FAM83H: variants seen among roughly 807,000 people sequenced by gnomAD.
FAM83H encodes scaffolding CK1 anchoring protein H.
Under a neutral mutation model 30.2 loss-of-function variants are expected in FAM83H, and 24 were observed. The ratio of observed to expected loss-of-function variants is 0.79; its 90% CI spans 0.57 to 1.12. The LOEUF (loss-of-function observed/expected upper bound fraction) is 1.12, where lower values mean the gene tolerates loss of function less well. Ranked by LOEUF, FAM83H falls within the 50% of genes most tolerant of loss-of-function variation. The pLI is 0.00. For synonymous variants in FAM83H, 1,013 were observed against 821.7 expected (o/e 1.23, Z -3.98); for missense variants, 2,038 against 1,773.9 (o/e 1.15, Z -2.67).
intron 2 of FAM83H, among the ~76,000 whole-genome samples, chr8:143,729,776 C>T (rs1818446295): frequency 6.6e-6 from 1 of 152,244 alleles, no homozygotes; most frequent in Non-Finnish European, 1.5e-5. Context: ...GGTTTAACAG[C>T]ACCTTCCGCC....
rs1463084077 is a variant in FAM83H at position 143,723,937 on chromosome 8, TTG to T, written c.*1982_*1983del. On this transcript the variant is annotated 3_prime_UTR_variant, in exon 5 of 5. Coordinates refer to ENST00000388913, the MANE Select transcript of FAM83H (RefSeq NM_198488.5). Reference sequence around the variant, plus strand: ...ACACTGGGGAACATGCTAGAATACTTTGTGTGTTGTGTTTTATTAACACCAAA... The same window carrying T: ...ACACTGGGGAACATGCTAGAATACTTTGTGTTGTGTTTTATTAACACCAAA... 2.6e-5 allele frequency: 4 copies of T among 152,216 alleles called. No individual in the cohort carries two copies. Among genetic ancestry groups the T allele is most frequent in the Non-Finnish European group, 5.9e-5 (4 of 68,050 alleles). The allele number at this position is 152,216 out of a possible 1,614,324, so 9.4% of individuals were successfully genotyped here.
rs1027789176 is a variant in FAM83H, at chr8:143,727,192, C to T, written c.2269G>A (p.Val757Ile). ...ACGACGGCCTTGCTGTGGCTGGCAA[C>T]GGTGATGGCGCCCGCGCCGCCGCCG... ...DPGGGAGAIT[V>I]ASHSKAVVSQ... Residue 757 changes from valine to isoleucine, a missense_variant, in exon 5 of 5, where the codon GTT becomes ATT. Physicochemically the swap from Val to Ile is conservative, Grantham distance 29. Transcript: ENST00000388913. 3.9e-6 allele frequency: 6 copies of T among 1,533,218 alleles called. No individual in the cohort carries two copies. The African/African-American group carries it at 6.9e-5, about 18-fold the overall frequency. 95.0% of individuals were successfully genotyped at this position (1,533,218 alleles called of 1,614,324 possible).
rs1414606943 is a variant in FAM83H at position 143,728,183 on chromosome 8, C to T, written c.1278G>A (p.Ala426=). The change falls in exon 5 of 5, where the codon GCG becomes GCA. Residue 426 remains alanine (A), a synonymous_variant. Coordinates refer to ENST00000388913, the MANE Select transcript of FAM83H (RefSeq NM_198488.5). The part of the protein sequence containing the change: ...GAGAVENFAA[A]RQVSRQTFLS... ...GGAACGTCTGCCGCGACACCTGCCGCGCGGCCGCGAAGTTCTCCACGGCGC... is the reference window on the plus strand; with the variant it reads ...GGAACGTCTGCCGCGACACCTGCCGTGCGGCCGCGAAGTTCTCCACGGCGC... The T allele has an allele frequency of 5.6e-6, 9 of 1,605,846 alleles. No individual in the cohort carries two copies. The highest frequency in any genetic ancestry group is 5.4e-5 in the African/African-American group (4 of 74,740).
chr8:143,732,606 T>C (rs967897596), intron 1 of FAM83H: 3 of 985,364 alleles, frequency 3.0e-6, no homozygotes, highest in Middle Eastern at 5.2e-4. Flanking sequence ...GAAGCCCCCG[T>C]GGCCAGGAGC....
At position 143,727,751 on chromosome 8, in the gene FAM83H, GC is replaced by G; in HGVS notation, c.1709del (p.Gly570AlafsTer18). The G allele has an allele frequency of 6.7e-7, 1 of 1,496,132 alleles. No individual in the cohort carries two copies. The highest frequency in any genetic ancestry group is 8.8e-7 in the Non-Finnish European group (1 of 1,130,562). The allele number at this position is 1,496,132 out of a possible 1,614,324, so 92.7% of individuals were successfully genotyped here. A position where few individuals can be genotyped will look rare whatever the true frequency, so the allele number is the denominator to read the frequency against. On this transcript the variant is annotated frameshift_variant, in exon 5 of 5. Transcript: ENST00000388913. LOFTEE classifies it low-confidence loss of function (END_TRUNC). ...GCAGCCCTGCCCGCCCCTCGGGCCCGCCCCTGCGCTCCGGCTCCGCCTCGGG... is the reference window on the plus strand; with the variant it reads ...GCAGCCCTGCCCGCCCCTCGGGCCCGCCCTGCGCTCCGGCTCCGCCTCGGG... ...PAPEAEPERR[G>X]GPEGRAGLRR...
chr8:143,725,820 C>T lies in FAM83H; in HGVS notation c.*101G>A, dbSNP rs1563756270. ...CCCCAAGCGGCCGTGGCCTGACAGCCGCTGCTCAAGCAGATGAGCAGGGCT... is the reference window on the plus strand; with the variant it reads ...CCCCAAGCGGCCGTGGCCTGACAGCTGCTGCTCAAGCAGATGAGCAGGGCT... On this transcript the variant is annotated 3_prime_UTR_variant, in exon 5 of 5. Transcript: ENST00000388913. The T allele has an allele frequency of 3.9e-6, 6 of 1,546,134 alleles. No individual in the cohort carries two copies. Among genetic ancestry groups the T allele is most frequent in the East Asian group, 2.4e-5 (1 of 41,750 alleles).
In FAM83H at chr8:143,725,495, C is replaced by A; in HGVS notation, c.*426G>T. 4.3e-6 allele frequency: 1 copy of A among 230,694 alleles called. No homozygotes were observed. Among genetic ancestry groups the A allele is most frequent in the Non-Finnish European group, 8.6e-6 (1 of 116,042 alleles). The allele number at this position is 230,694 out of a possible 1,614,324, so 14.3% of individuals were successfully genotyped here. A position where few individuals can be genotyped will look rare whatever the true frequency, so the allele number is the denominator to read the frequency against. ...TCTGTAATCCCAGCTACTCAGGAGG[C>A]TGAGGCAGGAGAATCGCTGGAACCC... On this transcript the variant is annotated 3_prime_UTR_variant, in exon 5 of 5. Transcript: ENST00000388913.
At chr8:143,729,815 A>C (rs1463896455) in intron 2 of FAM83H, among the ~76,000 whole-genome samples, 1 of 152,212 alleles carries the variant, frequency 6.6e-6, no homozygotes, top group Non-Finnish European at 1.5e-5. Context: ...GATGGTTAGA[A>C]GCCCTCAGCT....
At chr8:143,729,893 C>T (rs552035890) in intron 2 of FAM83H, among the ~76,000 whole-genome samples, 1 of 152,306 alleles carries the variant, frequency 6.6e-6, no homozygotes, top group South Asian at 2.1e-4. Context: ...GTGGGGTGCC[C>T]ACCCATCCCC....
rs368541965 is a variant in FAM83H, at chr8:143,730,196, C to T, written c.387G>A (p.Pro129=). ...CCTTGATACTGGGGCTGTCGGGGGG[C>T]GGTGGCTGCACCAAGGTGGTCACCT... The part of the protein sequence containing the change: ...GTEVTTLVQP[P]PPDSPSIKDE... The change falls in exon 2 of 5, where the codon CCG becomes CCA. Residue 129 remains proline, a synonymous_variant. Coordinates refer to ENST00000388913, the MANE Select transcript of FAM83H (RefSeq NM_198488.5). 247 of 1,610,100 alleles carry T rather than the reference C, an allele frequency of 1.5e-4. 3 individuals carry two copies. Among genetic ancestry groups the T allele is most frequent in the South Asian group, 1.0e-3 (91 of 90,902 alleles).
At position 143,733,454 on chromosome 8, in the gene FAM83H, G is replaced by A. The variant is rs1014993365; in HGVS notation, c.-16+237C>T. On this transcript the variant is annotated intron_variant, in intron 1 of 4. Coordinates refer to ENST00000388913, the MANE Select transcript of FAM83H (RefSeq NM_198488.5). This position sits in a 1 kb window ranked among gnomAD's most constrained non-coding sequence, Gnocchi z 5.6. ...GCCCCTTCCCCCTCGGCTCTTTTCGGGCCGGCGTCGTGCGGGGGCGCTCGC... is the reference window on the plus strand; with the variant it reads ...GCCCCTTCCCCCTCGGCTCTTTTCGAGCCGGCGTCGTGCGGGGGCGCTCGC... Among the ~76,000 whole-genome samples, 6 of 152,132 alleles carry A rather than the reference G, an allele frequency of 3.9e-5. No homozygotes were observed. The highest frequency in any genetic ancestry group is 7.4e-5 in the Non-Finnish European group (5 of 68,002).
chr8:143,725,051 C>G lies in FAM83H; in HGVS notation c.*870G>C, dbSNP rs1017487706. On this transcript the variant is annotated 3_prime_UTR_variant, in exon 5 of 5. Transcript: ENST00000388913. ...GCAAACTGCCCGCAGCCAGCCCAGT[C>G]TTCCCCACAGCAAGAGACGGGCCTC... 5 of 105,464 alleles carry G rather than the reference C, an allele frequency of 4.7e-5. No homozygotes were observed. Among genetic ancestry groups the G allele is most frequent in the African/African-American group, 1.9e-4 (5 of 26,318 alleles). The allele number at this position is 105,464 out of a possible 1,614,324, so 6.5% of individuals were successfully genotyped here.
Position 143,727,239 on chromosome 8 carries a change from T to C in FAM83H, c.2222A>G (p.Tyr741Cys), listed in dbSNP as rs923757025. The C allele has an allele frequency of 5.9e-6, 9 of 1,534,786 alleles. No individual in the cohort carries two copies. The African/African-American group carries it at 9.6e-5, about 16-fold the overall frequency. Residue 741 changes from tyrosine (Y) to cysteine (C), a missense_variant, in exon 5 of 5, where the codon TAC (tyrosine) becomes TGC (cysteine). Physicochemically the swap from Tyr to Cys is radical, Grantham distance 194. Coordinates refer to ENST00000388913, the MANE Select transcript of FAM83H (RefSeq NM_198488.5). ...GCCGGGATCACGGGCTGGGCCCTTG[T>C]ACTTCTCCAGCAGCTCCGCCACCTT... ...STKVAELLEK[Y>C]KGPARDPGGG...
At chr8:143,731,242 C>CT (rs1401091316) in intron 1 of FAM83H, 2 of 648,682 alleles carry the variant, frequency 3.1e-6, no homozygotes, top group Non-Finnish European at 3.8e-6. Flanking sequence ...ACTGTGCCTA[C>CT]TGGACAAGCT....
chr8:143,729,065 G>T lies in FAM83H; in HGVS notation c.639C>A (p.Gly213=). The T allele has an allele frequency of 6.2e-7, 1 of 1,613,360 alleles. No individual in the cohort carries two copies. The highest frequency in any genetic ancestry group is 8.5e-7 in the Non-Finnish European group (1 of 1,180,002). ...TCCCAGTGCGGCAGTAGTAGGTGGGGCCCGCCACAGTCCGTACGCGCAGGA... is the reference window on the plus strand; with the variant it reads ...TCCCAGTGCGGCAGTAGTAGGTGGGTCCCGCCACAGTCCGTACGCGCAGGA... The part of the protein sequence containing the change: ...VDFLRVRTVA[G]PTYYCRTGKS... Residue 213 remains glycine (G), a synonymous_variant, in exon 4 of 5, where the codon GGC becomes GGA. Transcript: ENST00000388913.
In FAM83H at chr8:143,726,889, C is replaced by T. The variant is rs782409778; in HGVS notation, c.2572G>A (p.Gly858Arg). The T allele has an allele frequency of 1.2e-6, 2 of 1,612,734 alleles. No homozygotes were observed. Among genetic ancestry groups the T allele is most frequent in the South Asian group, 1.1e-5 (1 of 91,040 alleles). The change falls in exon 5 of 5, where the codon GGA becomes AGA. Residue 858 changes from glycine to arginine, a missense_variant. Gly to Arg is a moderately radical substitution (Grantham distance 125, BLOSUM62 -2). Coordinates refer to ENST00000388913, the MANE Select transcript of FAM83H (RefSeq NM_198488.5). Reference protein sequence around the residue: ...LDSPLPLEGSGAHQVLHNESK... With the variant: ...LDSPLPLEGSRAHQVLHNESK... ...TCATTATGGAGCACCTGGTGCGCTC[C>T]GGACCCTTCCAGCGGCAGAGGGCTG...
chr8:143,732,596 G>A (rs1274479632), intron 1 of FAM83H: 3 of 985,278 alleles, frequency 3.0e-6, no homozygotes, highest in Admixed American at 6.1e-5. Context: ...CCAGACAGTG[G>A]AAGCCCCCGT....
At position 143,728,075 on chromosome 8, in the gene FAM83H, C is replaced by T. The variant is rs781820772; in HGVS notation, c.1386G>A (p.Pro462=). 5 of 1,610,408 alleles carry T rather than the reference C, an allele frequency of 3.1e-6. No individual in the cohort carries two copies. In the East Asian group the frequency reaches 6.7e-5, roughly 22 times the overall value. ...CTTGCGGGCGCGCCGGCGTGAGCTG[C>T]GGGTCCCACTGGTACTGCTGCTGGT... ...QLYQQQYQWD[P]QLTPARPQGL... Residue 462 remains proline (P), a synonymous_variant, in exon 5 of 5, where the codon CCG becomes CCA. Coordinates refer to ENST00000388913, the MANE Select transcript of FAM83H (RefSeq NM_198488.5).
chr8:143,730,425 G>T lies in FAM83H; in HGVS notation c.158C>A (p.Pro53Gln). The T allele has an allele frequency of 6.2e-7, 1 of 1,612,860 alleles. No homozygotes were observed. Residue 53 changes from proline (P) to glutamine (Q), a missense_variant, in exon 2 of 5, where the codon CCA becomes CAA. Physicochemically the swap from Pro to Gln is moderately conservative, Grantham distance 76. Coordinates refer to ENST00000388913, the MANE Select transcript of FAM83H (RefSeq NM_198488.5). ...YSRFLATEGA[P>Q]DFLCPEELEH... is the part of the protein sequence containing the mutation. Reference sequence around the variant, plus strand: ...CAGCTCTTCAGGGCACAGGAAGTCTGGTGCCCCCTCGGTAGCGAGGAAGCG... The same window carrying T: ...CAGCTCTTCAGGGCACAGGAAGTCTTGTGCCCCCTCGGTAGCGAGGAAGCG...
Sources: allele counts gnomAD v4.1 joint callset (sites outside exome capture counted in the v4.1 genomes callset), GRCh38; gene constraint gnomAD v4.1.1; non-coding constraint Gnocchi (gnomAD v3.1); transcripts MANE v1.5; gene names NCBI Gene and HGNC (gene_info 2026-07-23, HGNC 2026-07-21).